The following FAM107B variants were observed in gnomAD, a reference collection of about 807,000 sequenced individuals.
FAM107B encodes the protein family with sequence similarity 107 member B.
A neutral mutation model predicts 31.5 loss-of-function variants in FAM107B; 21 were observed. That is an observed-to-expected ratio of 0.67 (90% CI 0.47 to 0.96). The LOEUF (loss-of-function observed/expected upper bound fraction) is 0.96, where lower values mean the gene tolerates loss of function less well. FAM107B is among the 40% of genes least tolerant of loss of function. The probability of loss-of-function intolerance (pLI) is 0.00; values close to 1 mark genes in which losing one functional copy is unlikely to be tolerated. For synonymous variants in FAM107B, 157 were observed against 141.5 expected (o/e 1.11, Z -0.78); for missense variants, 452 against 377.1 (o/e 1.20, Z -1.64).
At chr10:14,632,290 G>A (rs1470243612) in intron 2 of FAM107B, among the ~76,000 whole-genome samples, 1 of 111,060 alleles carries the variant, frequency 9.0e-6, no homozygotes, top group Non-Finnish European at 1.7e-5. Context: ...GGGGGACAGA[G>A]CGAGACTCTG....
chr10:14,629,306 TAA>T lies in FAM107B; in HGVS notation c.469+38326_469+38327del, dbSNP rs1446607311. Reference sequence around the variant, plus strand: ...TATAAATATAAATTGTATAAATATATAATATATATAATATATAAATTATATAA... The same window carrying T: ...TATAAATATAAATTGTATAAATATATTATATATAATATATAAATTATATAA... On this transcript the variant is annotated intron_variant, in intron 2 of 4. Coordinates refer to ENST00000181796, the MANE Select transcript of FAM107B (RefSeq NM_031453.4). Among the ~76,000 whole-genome samples the T allele has an allele frequency of 5.0e-4, 36 of 72,358 alleles. No homozygotes were observed. The South Asian group carries it at 0.012, about 25-fold the overall frequency. The allele number at this position is 72,358 out of a possible 152,430, so 47.5% of individuals were successfully genotyped here.
intron 1 of FAM107B, among the ~76,000 whole-genome samples, chr10:14,668,281 G>A (rs1413118912): frequency 6.6e-6 from 1 of 152,106 alleles, no homozygotes; most frequent in Admixed American, 6.5e-5. Flanking sequence ...CTGACCTCAT[G>A]ATCTGCCTGC....
chr10:14,687,947 A>G (rs1375385673), intron 1 of FAM107B, among the ~76,000 whole-genome samples: 1 of 152,176 alleles, frequency 6.6e-6, no homozygotes, highest in African/African-American at 2.4e-5. Flanking sequence ...GATGCAAAGT[A>G]TTGATCTTGG....
At chr10:14,565,813 G>A (rs372162455) in intron 2 of FAM107B, among the ~76,000 whole-genome samples, 1 of 152,170 alleles carries the variant, frequency 6.6e-6, no homozygotes, top group Non-Finnish European at 1.5e-5. Context: ...GCGAGAGAAG[G>A]AAACCCAGGG....
At chr10:14,534,325 G>T (rs1847377278) in intron 2 of FAM107B, among the ~76,000 whole-genome samples, 2 of 152,096 alleles carry the variant, frequency 1.3e-5, no homozygotes, top group South Asian at 2.1e-4. Context: ...GTGGTGGCGG[G>T]AGAACCATGT....
chr10:14,670,839 G>C (rs1854522978), intron 1 of FAM107B, among the ~76,000 whole-genome samples: 1 of 152,224 alleles, frequency 6.6e-6, no homozygotes, highest in African/African-American at 2.4e-5. Flanking sequence ...GTCCTCACTA[G>C]TATAAACTAT....
chr10:14,774,690 C>A lies in FAM107B; in HGVS notation c.-27G>T. 1.3e-6 allele frequency: 2 copies of A among 1,592,480 alleles called. No homozygotes were observed. The highest frequency in any genetic ancestry group is 1.1e-5 in the South Asian group (1 of 86,972). On this transcript the variant is annotated 5_prime_UTR_variant, in exon 1 of 5. An upstream open reading frame in the 5' UTR loses its in-frame stop. Transcript: ENST00000181796. The stretch of plus-strand genomic sequence containing the variant: ...ACTTGCAGTGAATCATTGCAAAGTT[C>A]AAACGGGGCAAGGAAATTTTCCAGG...
intron 2 of FAM107B, among the ~76,000 whole-genome samples, chr10:14,648,298 C>T (rs1310408779): frequency 6.6e-6 from 1 of 152,190 alleles, no homozygotes; most frequent in Admixed American, 6.5e-5. Flanking sequence ...TAATTTGGAG[C>T]AGGTGCAATC....
At chr10:14,583,711 A>AG (rs141630974) in intron 2 of FAM107B, among the ~76,000 whole-genome samples, 2 of 151,352 alleles carry the variant, frequency 1.3e-5, no homozygotes, top group South Asian at 2.1e-4. Context: ...GCTATGAAGG[A>AG]GGGGGAAAAG....
Position 14,616,161 on chromosome 10 carries a change from G to A in FAM107B, c.469+51473C>T, listed in dbSNP as rs529283239. Among the ~76,000 whole-genome samples, 5 of 152,264 alleles carry A rather than the reference G, an allele frequency of 3.3e-5. No homozygotes were observed. The South Asian group carries it at 1.0e-3, about 32-fold the overall frequency. On this transcript the variant is annotated intron_variant, in intron 2 of 4. Coordinates refer to ENST00000181796, the MANE Select transcript of FAM107B (RefSeq NM_031453.4). ...TAATAATAATATTGACCTGCTTGTG[G>A]ATGACTGAACTGAGTATCTTTATTG...
intron 1 of FAM107B, among the ~76,000 whole-genome samples, chr10:14,697,145 C>T (rs1855285173): frequency 6.6e-6 from 1 of 152,172 alleles, no homozygotes; most frequent in African/African-American, 2.4e-5. Context: ...GGGGCTCTGG[C>T]TGAGGCTATG....
intron 2 of FAM107B, among the ~76,000 whole-genome samples, chr10:14,653,228 G>T (rs1173303978): frequency 2.0e-5 from 3 of 152,216 alleles, no homozygotes; most frequent in Non-Finnish European, 4.4e-5. Context: ...TTGAGTCTTA[G>T]AACTGTTCTG....
chr10:14,758,445 G>T (rs958598606), intron 1 of FAM107B, among the ~76,000 whole-genome samples: 8 of 152,144 alleles, frequency 5.3e-5, no homozygotes, highest in Non-Finnish European at 1.0e-4. Flanking sequence ...AATTACTAGA[G>T]GGAGGTTTTT....
At chr10:14,699,950 T>G in intron 1 of FAM107B, among the ~76,000 whole-genome samples, 1 of 152,264 alleles carries the variant, frequency 6.6e-6, no homozygotes, top group South Asian at 2.1e-4. Flanking sequence ...TTATTATTTT[T>G]GAGATGGACT....
intron 1 of FAM107B, among the ~76,000 whole-genome samples, chr10:14,735,983 T>C (rs897996548): frequency 2.0e-5 from 3 of 152,296 alleles, no homozygotes; most frequent in East Asian, 1.9e-4. Context: ...GGAATGATTA[T>C]AGGTTAAATG....
chr10:14,637,700 T>C (rs1487356172), intron 2 of FAM107B, among the ~76,000 whole-genome samples: 2 of 152,134 alleles, frequency 1.3e-5, no homozygotes, highest in African/African-American at 4.8e-5. Context: ...AAGATGATTT[T>C]ATTCATCTTG....
intron 2 of FAM107B, among the ~76,000 whole-genome samples, chr10:14,568,370 A>G (rs1850862076): frequency 6.6e-6 from 1 of 151,950 alleles, no homozygotes; most frequent in Admixed American, 6.5e-5. Context: ...TCCCAGGGTT[A>G]GACCAGGAGG....
chr10:14,565,943 G>A (rs1437220443), intron 2 of FAM107B, among the ~76,000 whole-genome samples: 1 of 152,200 alleles, frequency 6.6e-6, no homozygotes, highest in Non-Finnish European at 1.5e-5. Flanking sequence ...CAACCAGAGG[G>A]CCCTGTGGAA....
chr10:14,731,895 G>A (rs7342139), intron 1 of FAM107B, among the ~76,000 whole-genome samples: 19 of 152,268 alleles, frequency 1.2e-4, no homozygotes, highest in African/African-American at 4.3e-4. Context: ...TTCACACAAC[G>A]ATAAAATCAG....
Sources: allele counts gnomAD v4.1 joint callset (sites outside exome capture counted in the v4.1 genomes callset), GRCh38; gene constraint gnomAD v4.1.1; transcripts MANE v1.5; gene names NCBI Gene and HGNC (gene_info 2026-07-23, HGNC 2026-07-21).